ZNF257: variants seen among roughly 807,000 people sequenced by gnomAD.
The protein encoded by ZNF257 is bone marrow zinc finger 4.
A neutral mutation model predicts 11.9 loss-of-function variants in ZNF257; 12 were observed. The ratio of observed to expected loss-of-function variants is 1.01; its 90% CI spans 0.65 to 1.63. The LOEUF is 1.63. ZNF257 is among the 40% of genes most tolerant of loss of function. ZNF257 has a pLI of 0.00. For missense variants in ZNF257, 580 were observed against 665.5 expected (o/e 0.87, Z 1.41); for synonymous variants, 183 against 222.7 (o/e 0.82, Z 1.59).
chr19:22,053,874 G>A (rs993615567), intron 1 of ZNF257, among the ~76,000 whole-genome samples: 9 of 152,008 alleles, frequency 5.9e-5, no homozygotes, highest in Middle Eastern at 3.4e-3. Context: ...GCAGTGAGCC[G>A]AGATTGTGCC....
chr19:22,066,560 C>T lies in ZNF257; in HGVS notation c.4-6249C>T, dbSNP rs1056439996. Among the ~76,000 whole-genome samples the T allele has an allele frequency of 2.0e-5, 3 of 152,142 alleles. No individual in the cohort carries two copies. The East Asian group carries it at 5.8e-4, about 29-fold the overall frequency. On this transcript the variant is annotated intron_variant, in intron 1 of 3. Transcript: ENST00000594947. ...GCAAGCAGGAGTGCTCTAGCCCAGT[C>T]TCAGGGAGTAGAGAGCCATTATTTT...
At chr19:22,082,001 T>C (rs532192368) in intron 3 of ZNF257, among the ~76,000 whole-genome samples, 516 of 152,214 alleles carry the variant, frequency 3.4e-3, no homozygotes, top group Non-Finnish European at 6.5e-3. Flanking sequence ...TAGCATACTT[T>C]CTATAAATAT....
intron 3 of ZNF257, among the ~76,000 whole-genome samples, chr19:22,074,963 A>G (rs1662506234): frequency 6.6e-6 from 1 of 152,190 alleles, no homozygotes; most frequent in African/African-American, 2.4e-5. Flanking sequence ...GGTGCACAAT[A>G]TAATTTTGCA....
intron 1 of ZNF257, 42 bp downstream of exon 1, chr19:22,052,677 G>A (rs1316946993): frequency 6.2e-7 from 1 of 1,603,550 alleles, no homozygotes; most frequent in Admixed American, 1.7e-5. Context: ...GGGGAAGGGG[G>A]TGGTTGGAAC....
chr19:22,058,532 T>A (rs768011642), intron 1 of ZNF257, among the ~76,000 whole-genome samples: 12 of 152,038 alleles, frequency 7.9e-5, no homozygotes, highest in Non-Finnish European at 1.6e-4. Context: ...GCTGAATGGG[T>A]GGTGTCAGAA....
intron 3 of ZNF257, chr19:22,075,584 G>C (rs55993377): frequency 0.048 from 7,282 of 152,330 alleles, 618 homozygotes; most frequent in African/African-American, 0.17. Context: ...TTCTCAGTGG[G>C]ACCAAGTAGC....
chr19:22,084,632 G>A (rs528016790), intron 3 of ZNF257, among the ~76,000 whole-genome samples: 1 of 151,568 alleles, frequency 6.6e-6, no homozygotes, highest in African/African-American at 2.4e-5. Context: ...GCATGCTTGA[G>A]TGTATCGTTT....
chr19:22,073,900 T>G (rs2022167855), intron 3 of ZNF257, among the ~76,000 whole-genome samples: 1 of 152,164 alleles, frequency 6.6e-6, no homozygotes, highest in South Asian at 2.1e-4. Context: ...TTTTCAAAAA[T>G]TCTATGTTAA....
Position 22,088,028 on chromosome 19 carries a change from AT to A in ZNF257, c.284del (p.Phe95SerfsTer6). 1 of 1,501,308 alleles carries A rather than the reference AT, an allele frequency of 6.7e-7. No homozygotes were observed. Among genetic ancestry groups the A allele is most frequent in the Non-Finnish European group, 8.9e-7 (1 of 1,125,578 alleles). 93.0% of individuals were successfully genotyped at this position (1,501,308 alleles called of 1,614,324 possible). On this transcript the variant is annotated frameshift_variant, in exon 4 of 4. Coordinates refer to ENST00000594947, the MANE Select transcript of ZNF257 (RefSeq NM_033468.4). LOFTEE classifies it low-confidence loss of function (END_TRUNC). The part of the protein sequence containing the change: ...EDLCPERDIK[Y>X]FFQKVILRRY... ...CTTTGCCCAGAGCGAGACATAAAAT[AT>A]TTTTTCCAAAAAGTCATACTGAGGA...
chr19:22,065,030 G>A (rs577550942), intron 1 of ZNF257, among the ~76,000 whole-genome samples: 58 of 150,022 alleles, frequency 3.9e-4, no homozygotes, highest in Non-Finnish European at 5.3e-4. Flanking sequence ...CTCCAGCCTG[G>A]GCGAAAGAAC....
In ZNF257 at chr19:22,077,464, AAC is replaced by A. The variant is rs144272852; in HGVS notation, c.226+3903_226+3904del. The stretch of plus-strand genomic sequence containing the variant: ...TTTACCCTCTCTCCAGCCCTCAACA[AAC>A]ACCGTTTCTCTTTGTGTTTTTATGA... On this transcript the variant is annotated intron_variant, in intron 3 of 3. Coordinates refer to ENST00000594947, the MANE Select transcript of ZNF257 (RefSeq NM_033468.4). Among the ~76,000 whole-genome samples the A allele has an allele frequency of 8.2e-3, 1,250 of 152,296 alleles. 14 individuals are homozygous for A. Among genetic ancestry groups the A allele is most frequent in the African/African-American group, 0.028 (1,169 of 41,532 alleles).
chr19:22,086,648 G>A (rs1199998352), intron 3 of ZNF257, among the ~76,000 whole-genome samples: 1 of 151,400 alleles, frequency 6.6e-6, no homozygotes, highest in African/African-American at 2.4e-5. Flanking sequence ...ATTTTAGAAG[G>A]TCTTTTTTTT....
intron 3 of ZNF257, 73 bp from the exon 4 acceptor site, chr19:22,087,904 A>G (rs1599675723): frequency 7.4e-7 from 1 of 1,351,472 alleles, no homozygotes; most frequent in Non-Finnish European, 9.8e-7. Flanking sequence ...ATACAGTTTT[A>G]TAGGTTAGAT....
chr19:22,055,564 G>A (rs1185990435), intron 1 of ZNF257, among the ~76,000 whole-genome samples: 2 of 152,068 alleles, frequency 1.3e-5, no homozygotes, highest in Non-Finnish European at 2.9e-5. Context: ...CCAGTTAGAT[G>A]GTATAAGAGC....
intron 1 of ZNF257, among the ~76,000 whole-genome samples, chr19:22,066,938 TTG>T (rs2021963367): frequency 6.6e-6 from 1 of 152,234 alleles, no homozygotes; most frequent in South Asian, 2.1e-4. Context: ...TGTTCTATCA[TTG>T]TGTTTCTCTG....
intron 1 of ZNF257, among the ~76,000 whole-genome samples, chr19:22,059,008 C>T (rs1338599923): frequency 6.6e-6 from 1 of 152,148 alleles, no homozygotes; most frequent in African/African-American, 2.4e-5. Flanking sequence ...ACCTAGGGTT[C>T]TGGACCACCT....
intron 2 of ZNF257, among the ~76,000 whole-genome samples, chr19:22,073,258 C>T (rs10422289): frequency 0.24 from 35,935 of 151,794 alleles, 5,814 homozygotes; most frequent in African/African-American, 0.46. Context: ...TAATTGCTAC[C>T]ACCAATTTTT....
chr19:22,089,560 T>C lies in ZNF257; in HGVS notation c.*118T>C. 1 of 1,477,182 alleles carries C rather than the reference T, an allele frequency of 6.8e-7. No homozygotes were observed. The allele number at this position is 1,477,182 out of a possible 1,614,324, so 91.5% of individuals were successfully genotyped here. ...CCCTACAAATGTGAAGAACGTGGCCTGGCTTTTAACAAATCCTCAACATTT... is the reference window on the plus strand; with the variant it reads ...CCCTACAAATGTGAAGAACGTGGCCCGGCTTTTAACAAATCCTCAACATTT... On this transcript the variant is annotated 3_prime_UTR_variant, in exon 4 of 4. Coordinates refer to ENST00000594947, the MANE Select transcript of ZNF257 (RefSeq NM_033468.4).
intron 1 of ZNF257, among the ~76,000 whole-genome samples, chr19:22,060,124 T>C (rs937682269): frequency 2.0e-5 from 3 of 152,258 alleles, no homozygotes; most frequent in Non-Finnish European, 2.9e-5. Flanking sequence ...AACATGCATG[T>C]GCATGTGTCA....
Sources: gnomAD v4.1 joint callset for allele counts (sites outside exome capture counted in the v4.1 genomes callset) on GRCh38, gnomAD v4.1.1 for gene constraint, MANE v1.5 for transcripts, NCBI Gene and HGNC (gene_info 2026-07-23, HGNC 2026-07-21) for gene names.